Variants in ANO4 observed in about 807,000 individuals in gnomAD.
ANO4 encodes the protein anoctamin-4.
In ANO4, 69 loss-of-function variants were observed where a neutral mutation model predicts 141.9. That is an observed-to-expected ratio of 0.49 (90% CI 0.40 to 0.59). The LOEUF (loss-of-function observed/expected upper bound fraction) is 0.59. Among genes scored for constraint, ANO4 ranks in the 20% least tolerant of loss-of-function variants. The pLI, the probability that ANO4 is intolerant of heterozygous loss-of-function variation, is 0.00. For synonymous variants in ANO4, 350 were observed against 394.3 expected, an observed-to-expected ratio of 0.89 and a Z score of 1.33; for missense variants, 894 against 1,162.2, an observed-to-expected ratio of 0.77 and a Z score of 3.36.
At chr12:100,947,227 A>G (rs1275334206) in intron 5 of ANO4, among the ~76,000 whole-genome samples, 1 of 152,236 alleles carries the variant, frequency 6.6e-6, no homozygotes, top group African/African-American at 2.4e-5. Context: ...TGCTAATACA[A>G]ACTATATATT....
intron 1 of ANO4, among the ~76,000 whole-genome samples, chr12:100,877,371 C>G (rs958125980): frequency 6.6e-6 from 1 of 150,702 alleles, no homozygotes. Context: ...ATATATATAT[C>G]AAATCATCAC....
intron 22 of ANO4, 92 bp from the exon 23 acceptor site, chr12:101,110,312 C>A: frequency 7.5e-7 from 1 of 1,339,834 alleles, no homozygotes. Flanking sequence ...AAAAATGGGA[C>A]TTAAGACAAT....
intron 5 of ANO4, among the ~76,000 whole-genome samples, chr12:100,958,812 C>A (rs139787168): frequency 1.3e-5 from 2 of 152,108 alleles, no homozygotes; most frequent in Non-Finnish European, 2.9e-5. Context: ...TGCGCCCCTG[C>A]GATCCAGCCT....
intron 1 of ANO4, among the ~76,000 whole-genome samples, chr12:100,889,386 G>A (rs1361510635): frequency 6.6e-6 from 1 of 152,078 alleles, no homozygotes; most frequent in Non-Finnish European, 1.5e-5. Context: ...AGTCCTTTGG[G>A]TATATACCCA....
At chr12:101,073,388 CAG>C (rs1479893446) in intron 14 of ANO4, among the ~76,000 whole-genome samples, 1 of 151,996 alleles carries the variant, frequency 6.6e-6, no homozygotes, top group Non-Finnish European at 1.5e-5. Flanking sequence ...CACTTGGACA[CAG>C]AGCAGGGAAC....
intron 10 of ANO4, chr12:101,039,042 C>T (rs2047312530): frequency 6.6e-6 from 1 of 152,214 alleles, no homozygotes; most frequent in Admixed American, 6.5e-5. Context: ...AAAACATGCA[C>T]TTCTCTGGCC....
intron 3 of ANO4, among the ~76,000 whole-genome samples, chr12:100,760,637 G>A (rs1282008026): frequency 6.6e-6 from 1 of 152,064 alleles, no homozygotes; most frequent in Non-Finnish European, 1.5e-5. Flanking sequence ...CTCATTTCAG[G>A]CCCTTCCCCT....
intron 24 of ANO4, among the ~76,000 whole-genome samples, chr12:101,114,380 T>G (rs1418910798): frequency 6.6e-6 from 1 of 152,224 alleles, no homozygotes; most frequent in African/African-American, 2.4e-5. Flanking sequence ...AAGGAAGATG[T>G]ACACAGCTGA....
chr12:101,106,573 G>GTGTATATATATATA (rs1555303963), intron 22 of ANO4, among the ~76,000 whole-genome samples: 7 of 138,604 alleles, frequency 5.1e-5, no homozygotes, highest in African/African-American at 1.8e-4. Context: ...GTGTGTGTGT[G>GTGTATATATATATA]TATATATATA....
At chr12:100,912,899 G>A (rs1309635859) in intron 2 of ANO4, among the ~76,000 whole-genome samples, 1 of 152,100 alleles carries the variant, frequency 6.6e-6, no homozygotes, top group Non-Finnish European at 1.5e-5. Context: ...TTAGTGCTGT[G>A]GTTTAGAAAT....
chr12:100,928,969 T>C (rs1174166617), intron 3 of ANO4, among the ~76,000 whole-genome samples: 1 of 152,118 alleles, frequency 6.6e-6, no homozygotes, highest in Non-Finnish European at 1.5e-5. Flanking sequence ...CATCTTTTTT[T>C]ATTTTAATTT....
intron 22 of ANO4, among the ~76,000 whole-genome samples, chr12:101,109,695 T>A (rs1442677602): frequency 6.6e-6 from 1 of 152,222 alleles, no homozygotes; most frequent in Admixed American, 6.5e-5. Context: ...GTTTCTTCAA[T>A]ACACTTCCCC....
intron 1 of ANO4, among the ~76,000 whole-genome samples, chr12:100,717,862 T>C (rs954358631): frequency 1.3e-5 from 2 of 152,200 alleles, no homozygotes; most frequent in Admixed American, 1.3e-4. Flanking sequence ...AGTCCTCCTC[T>C]AGCGGGGTGA....
rs1321844189 is a variant in ANO4 at position 101,128,065 on chromosome 12, A to T, written c.*209A>T. 6.6e-6 allele frequency: 1 copy of T among 152,662 alleles called. No homozygotes were observed. Among genetic ancestry groups the T allele is most frequent in the South Asian group, 2.1e-4 (1 of 4,830 alleles). 9.5% of individuals were successfully genotyped at this position (152,662 alleles called of 1,614,324 possible). ...CGTTGCAGTCCAGCGCACAATTGCT[A>T]TCTATCCATAGACCATTCTTGACCA... On this transcript the variant is annotated 3_prime_UTR_variant, in exon 28 of 28. Transcript: ENST00000392977.
At chr12:100,924,120 T>C (rs2041762220) in intron 3 of ANO4, among the ~76,000 whole-genome samples, 1 of 152,232 alleles carries the variant, frequency 6.6e-6, no homozygotes, top group African/African-American at 2.4e-5. Flanking sequence ...TTTCTTTTGC[T>C]GTGCAGAAGC....
At chr12:101,080,900 T>TAATATATATATATATATATATACAC (rs1194122665) in intron 15 of ANO4, among the ~76,000 whole-genome samples, 2 of 131,040 alleles carry the variant, frequency 1.5e-5, no homozygotes, top group Non-Finnish European at 3.2e-5. Flanking sequence ...TATATATATA[T>TAATATATATATATATATATATACAC]ACATACACAT....
intron 5 of ANO4, among the ~76,000 whole-genome samples, chr12:100,958,374 AT>A (rs1304439259): frequency 6.6e-6 from 1 of 151,904 alleles, no homozygotes; most frequent in Non-Finnish European, 1.5e-5. Flanking sequence ...TCTTTCATTG[AT>A]TCAATTTTAA....
intron 5 of ANO4, among the ~76,000 whole-genome samples, chr12:100,959,123 C>T (rs1003820398): frequency 2.0e-5 from 3 of 151,930 alleles, no homozygotes; most frequent in Admixed American, 6.6e-5. Context: ...CACAGACACA[C>T]ACACACAGTT....
intron 3 of ANO4, among the ~76,000 whole-genome samples, chr12:100,745,324 T>C (rs2032054432): frequency 6.6e-6 from 1 of 152,224 alleles, no homozygotes; most frequent in Non-Finnish European, 1.5e-5. Context: ...CCTTTTTGCC[T>C]CAGCATATTT....
Sources: allele counts gnomAD v4.1 joint callset (sites outside exome capture counted in the v4.1 genomes callset), GRCh38; gene constraint gnomAD v4.1.1; transcripts MANE v1.5; gene names NCBI Gene and HGNC (gene_info 2026-07-23, HGNC 2026-07-21).